Variants in TMEM117 observed in about 807,000 individuals in gnomAD.
TMEM117 encodes the protein transmembrane protein 117.
A neutral mutation model predicts 52.4 loss-of-function variants in TMEM117; 27 were observed. The ratio of observed to expected loss-of-function variants is 0.51; its 90% CI spans 0.38 to 0.71. The LOEUF (loss-of-function observed/expected upper bound fraction) is 0.71, where lower values mean the gene tolerates loss of function less well. Among genes scored for constraint, TMEM117 ranks in the 30% least tolerant of loss-of-function variants. The pLI is 0.00. For synonymous variants in TMEM117, 215 were observed against 206.3 expected, an observed-to-expected ratio of 1.04 and a Z score of -0.36; for missense variants, 556 against 630.5, an observed-to-expected ratio of 0.88 and a Z score of 1.26.
chr12:43,798,264 A>C, the TMEM117 span, among the ~76,000 whole-genome samples: 1 of 152,148 alleles, frequency 6.6e-6, no homozygotes, highest in South Asian at 2.1e-4. Flanking sequence ...AAGGAGTACA[A>C]ACAGTGTACA....
the TMEM117 span, chr12:43,805,751 T>C: frequency 2.3e-6 from 3 of 1,316,860 alleles, no homozygotes; most frequent in South Asian, 1.1e-5. Flanking sequence ...CCTACTGATG[T>C]GAGAAAGATT....
At chr12:44,094,053 G>A (rs1030791287) in intron 3 of TMEM117, among the ~76,000 whole-genome samples, 1 of 143,070 alleles carries the variant, frequency 7.0e-6, no homozygotes, top group Non-Finnish European at 1.5e-5. Context: ...CTTTAGCTGT[G>A]TCCCTTATGA....
Position 44,289,823 on chromosome 12 carries a change from C to A in TMEM117, c.609-9757C>A, listed in dbSNP as rs150900678. ...TCAGCTTCCCAAAGTGCTGGGATTACAGCCACTGCACTGAGTCTAGGGATC... is the reference window on the plus strand; with the variant it reads ...TCAGCTTCCCAAAGTGCTGGGATTAAAGCCACTGCACTGAGTCTAGGGATC... On this transcript the variant is annotated intron_variant, in intron 5 of 7. Coordinates refer to ENST00000266534, the MANE Select transcript of TMEM117 (RefSeq NM_032256.3). Among the ~76,000 whole-genome samples, 1,240 of 152,238 alleles carry A rather than the reference C, an allele frequency of 8.1e-3. 11 individuals are homozygous for A. The highest frequency in any genetic ancestry group is 0.015 in the Non-Finnish European group (987 of 67,992).
chr12:44,082,073 A>T (rs540514449), intron 3 of TMEM117, among the ~76,000 whole-genome samples: 2 of 152,066 alleles, frequency 1.3e-5, no homozygotes, highest in East Asian at 3.9e-4. Context: ...TCGTTTCAAC[A>T]AAAAGGACAG....
At chr12:43,920,529 C>G (rs995693987) in intron 2 of TMEM117, among the ~76,000 whole-genome samples, 24 of 146,818 alleles carry the variant, frequency 1.6e-4, no homozygotes, top group Admixed American at 1.5e-3. Context: ...TTTTGTCATA[C>G]CAGTTCAAAC....
intron 3 of TMEM117, among the ~76,000 whole-genome samples, chr12:44,076,564 T>C (rs762025640): frequency 9.2e-5 from 14 of 152,224 alleles, no homozygotes; most frequent in Non-Finnish European, 2.1e-4. Context: ...ATTTAGCATG[T>C]AAGTGAGATA....
intron 5 of TMEM117, among the ~76,000 whole-genome samples, chr12:44,273,861 A>G (rs1219242976): frequency 6.6e-6 from 1 of 152,166 alleles, no homozygotes; most frequent in Admixed American, 6.6e-5. Flanking sequence ...CAAAACTAGT[A>G]TCATACTGAA....
intron 6 of TMEM117, among the ~76,000 whole-genome samples, chr12:44,365,917 C>T (rs1299267905): frequency 6.6e-6 from 1 of 152,044 alleles, no homozygotes; most frequent in East Asian, 1.9e-4. Flanking sequence ...GATTGAATTT[C>T]ATCTGGTCTC....
At chr12:44,054,770 C>T (rs866374) in intron 3 of TMEM117, among the ~76,000 whole-genome samples, 1 of 141,420 alleles carries the variant, frequency 7.1e-6, no homozygotes, top group African/African-American at 2.7e-5. Context: ...ACTTTAAGTT[C>T]TAGGGTACAT....
intron 5 of TMEM117, among the ~76,000 whole-genome samples, chr12:44,266,519 A>G (rs1215750460): frequency 1.3e-5 from 2 of 152,114 alleles, no homozygotes; most frequent in Non-Finnish European, 2.9e-5. Context: ...TTCTGCATAT[A>G]AGGCACATAT....
chr12:44,380,269 G>A (rs1257368233), intron 7 of TMEM117, among the ~76,000 whole-genome samples: 2 of 152,160 alleles, frequency 1.3e-5, no homozygotes, highest in African/African-American at 4.8e-5. Flanking sequence ...GGCCAGCAGA[G>A]GAGACTATGA....
the TMEM117 span, among the ~76,000 whole-genome samples, chr12:43,826,277 A>G: frequency 6.6e-6 from 1 of 152,150 alleles, no homozygotes; most frequent in Admixed American, 6.5e-5. Flanking sequence ...TTATTTATTG[A>G]GGTTTACTCT....
intron 5 of TMEM117, among the ~76,000 whole-genome samples, chr12:44,297,977 T>C (rs1431679198): frequency 2.0e-5 from 3 of 152,170 alleles, no homozygotes; most frequent in Non-Finnish European, 2.9e-5. Context: ...ATTTTAGAGG[T>C]CGTGAGTCAA....
chr12:43,853,392 C>T (rs1457971600), intron 2 of TMEM117, among the ~76,000 whole-genome samples: 1 of 152,144 alleles, frequency 6.6e-6, no homozygotes, highest in Non-Finnish European at 1.5e-5. Context: ...TCTCCTGCCT[C>T]GGCCTCCCAA....
At chr12:44,263,870 TAATC>T (rs1950348321) in intron 5 of TMEM117, 1 of 152,172 alleles carries the variant, frequency 6.6e-6, no homozygotes, top group South Asian at 2.1e-4. Flanking sequence ...TAAGATAAAA[TAATC>T]AAGAATACTT....
chr12:44,329,886 C>T (rs900033602), intron 6 of TMEM117, among the ~76,000 whole-genome samples: 3 of 151,760 alleles, frequency 2.0e-5, no homozygotes, highest in Admixed American at 6.6e-5. Flanking sequence ...ATGTATATAC[C>T]GTATTTTGTT....
intron 4 of TMEM117, among the ~76,000 whole-genome samples, chr12:44,171,035 A>C (rs1386063046): frequency 3.0e-5 from 3 of 101,204 alleles, no homozygotes; most frequent in Non-Finnish European, 5.6e-5. Context: ...TTTTTTTTTG[A>C]GACGGAGTCT....
intron 5 of TMEM117, among the ~76,000 whole-genome samples, chr12:44,271,220 A>AG (rs1247950005): frequency 6.6e-6 from 1 of 151,990 alleles, no homozygotes; most frequent in Non-Finnish European, 1.5e-5. Flanking sequence ...GTGTTTGAAA[A>AG]GTGAGTATAT....
intron 3 of TMEM117, among the ~76,000 whole-genome samples, chr12:44,128,290 T>C (rs1434395892): frequency 6.6e-6 from 1 of 152,216 alleles, no homozygotes; most frequent in Non-Finnish European, 1.5e-5. Flanking sequence ...CCCTTCTCTG[T>C]AAAGCCTTCT....
Sources: allele counts gnomAD v4.1 joint callset (sites outside exome capture counted in the v4.1 genomes callset), GRCh38; gene constraint gnomAD v4.1.1; transcripts MANE v1.5; gene names NCBI Gene and HGNC (gene_info 2026-07-23, HGNC 2026-07-21).